AFF2: variants seen among roughly 807,000 people sequenced by gnomAD.
AFF2 encodes the protein ALF transcription elongation factor 2, also known as AF4/FMR2 family member 2.
In AFF2, 14 loss-of-function variants were observed where a neutral mutation model predicts 76.9. The observed-to-expected ratio is 0.18, with a 90% CI of 0.12 to 0.28. AFF2 has a LOEUF of 0.28. Among genes scored for constraint, AFF2 ranks in the 10% least tolerant of loss-of-function variants. The probability of loss-of-function intolerance (pLI) is 1.00; values close to 1 mark genes in which losing one functional copy is unlikely to be tolerated. For missense variants in AFF2, 868 were observed against 1,001.1 expected (o/e 0.87, Z 1.79); for synonymous variants, 398 against 366.7 (o/e 1.09, Z -0.98).
chrX:148,595,326 A>C (rs2053562152), intron 1 of AFF2, among the ~76,000 whole-genome samples: 1 of 111,780 alleles, frequency 8.9e-6, no homozygotes, highest in Non-Finnish European at 1.9e-5. Flanking sequence ...CACCAAAGAG[A>C]AGGAATAAAT....
At chrX:148,753,512 G>A (rs1235852519) in intron 3 of AFF2, among the ~76,000 whole-genome samples, 1 of 111,845 alleles carries the variant, frequency 8.9e-6, no homozygotes, top group African/African-American at 3.2e-5. Flanking sequence ...GGTCTTACAT[G>A]CTTTGGCACA....
chrX:148,656,467 C>T (rs17252243), intron 2 of AFF2, among the ~76,000 whole-genome samples: 2,355 of 107,249 alleles, frequency 0.022, 31 homozygotes, highest in Non-Finnish European at 0.036. Flanking sequence ...CTGGGGTATG[C>T]AACTTTCCCA....
Position 148,507,426 on chromosome X carries a change from C to T in AFF2, c.47+6282C>T, listed in dbSNP as rs141435846. Among the ~76,000 whole-genome samples, 809 of 112,014 alleles carry T rather than the reference C, an allele frequency of 7.2e-3. 11 individuals are homozygous for T. The highest frequency in any genetic ancestry group is 0.025 in the African/African-American group (774 of 30,889). On this transcript the variant is annotated intron_variant, in intron 1 of 20. Coordinates refer to ENST00000370460, the MANE Select transcript of AFF2 (RefSeq NM_002025.4). ...TAAGGTACAGCATTATAGGAATTAA[C>T]GGACTGGTATTGTGTCTCAATCTGC...
At chrX:148,679,267 G>A (rs1208022632) in intron 3 of AFF2, among the ~76,000 whole-genome samples, 5 of 104,759 alleles carry the variant, frequency 4.8e-5, no homozygotes, top group African/African-American at 1.4e-4. Flanking sequence ...TTTTTAAATA[G>A]CAATCTGATA....
At position 148,559,355 on chromosome X, in the gene AFF2, G is replaced by A. The variant is rs188016350; in HGVS notation, c.47+58211G>A. Among the ~76,000 whole-genome samples the A allele has an allele frequency of 2.4e-3, 268 of 110,788 alleles. 2 individuals are homozygous for A. Among genetic ancestry groups the A allele is most frequent in the Middle Eastern group, 0.014 (3 of 215 alleles). On this transcript the variant is annotated intron_variant, in intron 1 of 20. Transcript: ENST00000370460. ...ATTACGTAGGTATACATGTGCCATG[G>A]TGGTGGTTTGCTGCACCCATCAACT...
intron 1 of AFF2, among the ~76,000 whole-genome samples, chrX:148,531,854 T>C (rs1384089364): frequency 8.9e-6 from 1 of 111,987 alleles, no homozygotes; most frequent in Non-Finnish European, 1.9e-5. Context: ...TTAGAATATT[T>C]GTATATACAT....
chrX:148,978,506 T>C (rs1437420192), intron 18 of AFF2, 51 bp downstream of exon 18: 1 of 876,661 alleles, frequency 1.1e-6, no homozygotes, highest in East Asian at 3.1e-5. Context: ...AAATCACTAA[T>C]AAGACACGAC....
At chrX:148,764,357 A>G (rs2069486647) in intron 3 of AFF2, among the ~76,000 whole-genome samples, 1 of 112,297 alleles carries the variant, frequency 8.9e-6, no homozygotes. Flanking sequence ...TACAAAATGC[A>G]ATGCTGGTTC....
chrX:148,769,170 A>G (rs1214264563), intron 3 of AFF2, among the ~76,000 whole-genome samples: 1 of 111,582 alleles, frequency 9.0e-6, no homozygotes, highest in Non-Finnish European at 1.9e-5. Flanking sequence ...ATGAAAAATG[A>G]TATTATAAGA....
At position 148,976,624 on chromosome X, in the gene AFF2, T is replaced by A. The variant is rs782800295; in HGVS notation, c.3405-1309T>A. ...CATAGTTTTTAGTAGTGCAATATCA[T>A]GTTGAAGAAATTTTTATTACTCTCT... On this transcript the variant is annotated intron_variant, in intron 16 of 20. Transcript: ENST00000370460. 6.1e-4 allele frequency among the ~76,000 whole-genome samples: 68 copies of A among 111,915 alleles called. 1 individual carries two copies. Among genetic ancestry groups the A allele is most frequent in the Non-Finnish European group, 1.1e-3 (60 of 53,200 alleles).
At chrX:148,805,012 A>G (rs1477844279) in intron 3 of AFF2, among the ~76,000 whole-genome samples, 1 of 111,936 alleles carries the variant, frequency 8.9e-6, no homozygotes, top group African/African-American at 3.3e-5. Context: ...ATTACCAACG[A>G]TGGGAATTAC....
chrX:148,556,343 GTA>G, intron 1 of AFF2, among the ~76,000 whole-genome samples: 1 of 111,963 alleles, frequency 8.9e-6, no homozygotes, highest in African/African-American at 3.2e-5. Flanking sequence ...TGTAATTACA[GTA>G]CATTTAGATT....
In AFF2 at chrX:148,702,282, G is replaced by A. The variant is rs188939582; in HGVS notation, c.1041+39514G>A. ...TGTTTAATTATATGGCTTGGAAATA[G>A]GAAATTTTACTTGGTCCTTGTCAGA... On this transcript the variant is annotated intron_variant, in intron 3 of 20. Coordinates refer to ENST00000370460, the MANE Select transcript of AFF2 (RefSeq NM_002025.4). 4.4e-3 allele frequency among the ~76,000 whole-genome samples: 487 copies of A among 111,743 alleles called. 6 individuals are homozygous for A. Among genetic ancestry groups the A allele is most frequent in the African/African-American group, 0.015 (470 of 30,771 alleles).
intron 3 of AFF2, among the ~76,000 whole-genome samples, chrX:148,766,427 G>C (rs2069518022): frequency 9.2e-6 from 1 of 109,240 alleles, no homozygotes; most frequent in South Asian, 4.1e-4. Context: ...TCTCATAGTG[G>C]TTTTGATTTG....
intron 7 of AFF2, among the ~76,000 whole-genome samples, chrX:148,848,348 TA>T (rs2070692745): frequency 8.9e-6 from 1 of 112,248 alleles, no homozygotes; most frequent in Admixed American, 9.4e-5. Flanking sequence ...CAGATTGCTA[TA>T]ACCAATACAG....
At chrX:148,544,561 G>A in intron 1 of AFF2, among the ~76,000 whole-genome samples, 1 of 112,396 alleles carries the variant, frequency 8.9e-6, no homozygotes, top group Non-Finnish European at 1.9e-5. Flanking sequence ...GCCTTATAAT[G>A]GGCAGATTTT....
intron 3 of AFF2, among the ~76,000 whole-genome samples, chrX:148,782,238 T>C (rs782795534): frequency 1.5e-4 from 17 of 112,081 alleles, no homozygotes; most frequent in African/African-American, 4.9e-4. Flanking sequence ...ACATATCTTT[T>C]GGGAACCATT....
chrX:148,922,949 C>T (rs2071612161), intron 9 of AFF2, among the ~76,000 whole-genome samples: 1 of 112,155 alleles, frequency 8.9e-6, no homozygotes, highest in African/African-American at 3.2e-5. Context: ...AAGATGTATT[C>T]TCTTACTTCA....
intron 3 of AFF2, among the ~76,000 whole-genome samples, chrX:148,796,387 G>T (rs1557270453): frequency 9.0e-6 from 1 of 111,466 alleles, no homozygotes; most frequent in African/African-American, 3.3e-5. Context: ...AGAGTTAGCA[G>T]CAGTCATTGA....
Sources: gnomAD v4.1 joint callset for allele counts (sites outside exome capture counted in the v4.1 genomes callset) on GRCh38, gnomAD v4.1.1 for gene constraint, MANE v1.5 for transcripts, NCBI Gene and HGNC (gene_info 2026-07-23, HGNC 2026-07-21) for gene names.